The following PPARGC1A variants were observed in gnomAD, a reference collection of about 807,000 sequenced individuals.
PPARGC1A encodes the protein PPARG coactivator 1 alpha, also known as peroxisome proliferator-activated receptor gamma coactivator 1-alpha.
In PPARGC1A, 25 loss-of-function variants were observed where a neutral mutation model predicts 88.7. The ratio of observed to expected loss-of-function variants is 0.28; its 90% CI spans 0.21 to 0.39. The LOEUF (loss-of-function observed/expected upper bound fraction) is 0.39. PPARGC1A is among the 10% of genes least tolerant of loss of function. The probability of loss-of-function intolerance (pLI) is 1.00; values close to 1 mark genes in which losing one functional copy is unlikely to be tolerated. For missense variants in PPARGC1A, 880 were observed against 968.7 expected (o/e 0.91, Z 1.22); for synonymous variants, 363 against 355.6 (o/e 1.02, Z -0.24).
At chr4:24,164,181 G>A in the PPARGC1A span, among the ~76,000 whole-genome samples, 1 of 152,150 alleles carries the variant, frequency 6.6e-6, no homozygotes, top group South Asian at 2.1e-4. Context: ...ACTTAAACAG[G>A]TGTTATGAGT....
the PPARGC1A span, among the ~76,000 whole-genome samples, chr4:24,326,692 C>T: frequency 6.6e-6 from 1 of 152,174 alleles, no homozygotes; most frequent in Non-Finnish European, 1.5e-5. Flanking sequence ...TCGTGTCCAG[C>T]TGATCTCCCA....
At chr4:24,183,674 G>T in the PPARGC1A span, among the ~76,000 whole-genome samples, 2 of 152,098 alleles carry the variant, frequency 1.3e-5, no homozygotes, top group African/African-American at 2.4e-5. Flanking sequence ...CATGTGCACT[G>T]GTTTCCCTTC....
At chr4:24,344,151 G>T in the PPARGC1A span, among the ~76,000 whole-genome samples, 1 of 151,908 alleles carries the variant, frequency 6.6e-6, no homozygotes, top group Non-Finnish European at 1.5e-5. Context: ...CTCATTGATT[G>T]GTGGGCATTT....
At chr4:24,194,934 T>A in the PPARGC1A span, among the ~76,000 whole-genome samples, 1 of 152,210 alleles carries the variant, frequency 6.6e-6, no homozygotes, top group Non-Finnish European at 1.5e-5. Context: ...AAAACTAGCA[T>A]TCTTCCTGGT....
chr4:23,951,728 AT>A, the PPARGC1A span, among the ~76,000 whole-genome samples: 3 of 152,138 alleles, frequency 2.0e-5, no homozygotes, highest in African/African-American at 7.2e-5. Context: ...TCTTCAATTT[AT>A]TGACTTCAGT....
chr4:24,162,845 C>T, the PPARGC1A span, among the ~76,000 whole-genome samples: 9 of 151,990 alleles, frequency 5.9e-5, no homozygotes, highest in African/African-American at 1.7e-4. Context: ...CCACCCAACT[C>T]GGCCTCCCAA....
chr4:23,887,498 A>G (rs1717107023), intron 1 of PPARGC1A, among the ~76,000 whole-genome samples: 2 of 152,216 alleles, frequency 1.3e-5, no homozygotes, highest in Non-Finnish European at 2.9e-5. Context: ...GACACATTCT[A>G]CTGCCTCTTT....
intron 2 of PPARGC1A, among the ~76,000 whole-genome samples, chr4:23,838,136 G>T (rs748295078): frequency 1.7e-4 from 26 of 152,102 alleles, no homozygotes; most frequent in Non-Finnish European, 8.8e-5. Flanking sequence ...TACTTAAAGT[G>T]CTCTGAGCCT....
At chr4:24,354,250 G>A in the PPARGC1A span, among the ~76,000 whole-genome samples, 5 of 152,044 alleles carry the variant, frequency 3.3e-5, no homozygotes, top group East Asian at 5.8e-4. Context: ...TGGGCCCACC[G>A]GGATAATCCA....
chr4:23,899,647 CA>C, upstream of PPARGC1A, among the ~76,000 whole-genome samples: 1 of 152,180 alleles, frequency 6.6e-6, no homozygotes, highest in Non-Finnish European at 1.5e-5. Context: ...TAATGTGAAG[CA>C]AAGGAAGCCA....
the PPARGC1A span, among the ~76,000 whole-genome samples, chr4:24,051,187 CA>C: frequency 0.026 from 1,535 of 58,480 alleles, 4 homozygotes; most frequent in African/African-American, 0.099. Context: ...GACTCTGTCT[CA>C]AAAAAAAAAA....
At chr4:24,435,536 C>T in the PPARGC1A span, among the ~76,000 whole-genome samples, 1 of 152,130 alleles carries the variant, frequency 6.6e-6, no homozygotes, top group Non-Finnish European at 1.5e-5. Context: ...GGGGACTTAA[C>T]ATGTTTGTGA....
At chr4:23,965,384 G>T in the PPARGC1A span, among the ~76,000 whole-genome samples, 1 of 152,082 alleles carries the variant, frequency 6.6e-6, no homozygotes, top group Non-Finnish European at 1.5e-5. Context: ...CCACAGTGGG[G>T]GTGCTTAATA....
At chr4:24,434,559 A>G in the PPARGC1A span, among the ~76,000 whole-genome samples, 1 of 152,168 alleles carries the variant, frequency 6.6e-6, no homozygotes, top group Non-Finnish European at 1.5e-5. Context: ...TGCTCGGTGC[A>G]CAGGGTCTCA....
chr4:23,894,918 C>A (rs1718347700), upstream of PPARGC1A, among the ~76,000 whole-genome samples: 1 of 151,996 alleles, frequency 6.6e-6, no homozygotes, highest in South Asian at 2.1e-4. Context: ...ATCTATAATG[C>A]AGACAGTTAT....
the PPARGC1A span, among the ~76,000 whole-genome samples, chr4:24,348,471 C>T: frequency 1.3e-5 from 2 of 152,146 alleles, no homozygotes; most frequent in African/African-American, 4.8e-5. Flanking sequence ...TTAACATAAT[C>T]CCAGACTTCT....
upstream of PPARGC1A, chr4:23,890,133 C>T: frequency 7.7e-7 from 1 of 1,305,830 alleles, no homozygotes; most frequent in South Asian, 2.5e-5. Context: ...GTCACTCACC[C>T]AGCCTCCCTT....
chr4:24,248,961 G>A, the PPARGC1A span, among the ~76,000 whole-genome samples: 3,735 of 152,166 alleles, frequency 0.025, 133 homozygotes, highest in African/African-American at 0.082. Context: ...GCAAAGGGTC[G>A]GGAGGCCTAA....
At chr4:24,249,608 A>G in the PPARGC1A span, among the ~76,000 whole-genome samples, 1 of 150,686 alleles carries the variant, frequency 6.6e-6, no homozygotes, top group Non-Finnish European at 1.5e-5. Context: ...TGAGAGTGAG[A>G]TCCCGGGGAA....
Sources: allele counts gnomAD v4.1 joint callset (sites outside exome capture counted in the v4.1 genomes callset), GRCh38; gene constraint gnomAD v4.1.1; transcripts MANE v1.5; gene names NCBI Gene and HGNC (gene_info 2026-07-23, HGNC 2026-07-21).